The following PHKB variants were observed in gnomAD, a reference collection of about 807,000 sequenced individuals.
PHKB encodes phosphorylase b kinase regulatory subunit beta.
PHKB carries 122 observed loss-of-function variants against 152.1 expected under a neutral mutation model. The observed-to-expected ratio is 0.80, with a 90% CI of 0.69 to 0.93. The LOEUF (loss-of-function observed/expected upper bound fraction) is 0.93, where lower values mean the gene tolerates loss of function less well. Among genes scored for constraint, PHKB ranks in the 40% least tolerant of loss-of-function variants. The pLI, the probability that PHKB is intolerant of heterozygous loss-of-function variation, is 0.00. For synonymous variants in PHKB, 436 were observed against 464.9 expected (o/e 0.94, Z 0.80); for missense variants, 1,304 against 1,328.4 (o/e 0.98, Z 0.29).
At chr16:47,548,819 T>C (rs1387619700) in intron 7 of PHKB, among the ~76,000 whole-genome samples, 1 of 152,188 alleles carries the variant, frequency 6.6e-6, no homozygotes, top group African/African-American at 2.4e-5. Flanking sequence ...AAAATAAAGA[T>C]AATAATTTCT....
At chr16:47,552,121 T>C (rs936525343) in intron 7 of PHKB, among the ~76,000 whole-genome samples, 11 of 152,218 alleles carry the variant, frequency 7.2e-5, no homozygotes, top group South Asian at 6.2e-4. Context: ...GCACATGAGA[T>C]GGATCTCCTG....
Position 47,580,885 on chromosome 16 carries a change from G to A in PHKB, c.774+527G>A, listed in dbSNP as rs544362207. ...GGATGAAAAAAAAACCCTGAAGGTC[G>A]TCTTAAATTTTCATTAGATCTTTAA... is the stretch of plus-strand genomic sequence containing the variant. On this transcript the variant is annotated intron_variant, in intron 8 of 30. Coordinates refer to ENST00000323584, the MANE Select transcript of PHKB (RefSeq NM_000293.3). Among the ~76,000 whole-genome samples, 36 of 152,110 alleles carry A rather than the reference G, an allele frequency of 2.4e-4. No homozygotes were observed. In the East Asian group the frequency reaches 2.7e-3, roughly 11 times the overall value.
chr16:47,511,885 G>A (rs1358073705), intron 5 of PHKB, 113 bp downstream of exon 5: 1 of 730,908 alleles, frequency 1.4e-6, no homozygotes, highest in Admixed American at 1.9e-5. Context: ...TTCCACGGAT[G>A]GGGTAGGGGC....
At chr16:47,550,897 TGTTATCA>T (rs1361262341) in intron 7 of PHKB, among the ~76,000 whole-genome samples, 34 of 152,228 alleles carry the variant, frequency 2.2e-4, no homozygotes, top group Admixed American at 2.2e-3. Context: ...TTTCAGAACT[TGTTATCA>T]GTCTATTCAG....
chr16:47,600,265 A>T (rs1244028283), intron 13 of PHKB, among the ~76,000 whole-genome samples: 1 of 152,196 alleles, frequency 6.6e-6, no homozygotes, highest in Non-Finnish European at 1.5e-5. Flanking sequence ...GCTCTTAAAA[A>T]ATAAGTTAAT....
intron 4 of PHKB, 31 bp from the exon 5 acceptor site, chr16:47,511,634 T>G: frequency 7.3e-7 from 1 of 1,374,868 alleles, no homozygotes; most frequent in South Asian, 1.2e-5. Flanking sequence ...TATGAATTAC[T>G]AATGTTGTTT....
intron 7 of PHKB, among the ~76,000 whole-genome samples, chr16:47,578,394 G>T (rs893823161): frequency 6.6e-6 from 1 of 151,946 alleles, no homozygotes; most frequent in African/African-American, 2.4e-5. Flanking sequence ...TGACGTATAG[G>T]TATTTTGGGC....
chr16:47,602,249 G>A (rs1972241025), intron 13 of PHKB, among the ~76,000 whole-genome samples: 1 of 152,100 alleles, frequency 6.6e-6, no homozygotes, highest in Non-Finnish European at 1.5e-5. Flanking sequence ...TTGGGGATGG[G>A]TATTATTTAA....
chr16:47,573,676 G>T (rs931849760), intron 7 of PHKB, among the ~76,000 whole-genome samples: 63 of 152,272 alleles, frequency 4.1e-4, no homozygotes, highest in African/African-American at 1.5e-3. Flanking sequence ...CTCCCAGTTT[G>T]CCTGCAAAGC....
At chr16:47,590,842 G>C (rs1358891394) in intron 10 of PHKB, 2 of 152,194 alleles carry the variant, frequency 1.3e-5, no homozygotes, top group East Asian at 3.9e-4. Flanking sequence ...GACTCTGCCA[G>C]GAACTCCCCA....
chr16:47,524,294 A>G (rs1970731460), intron 6 of PHKB, among the ~76,000 whole-genome samples: 1 of 152,172 alleles, frequency 6.6e-6, no homozygotes, highest in Non-Finnish European at 1.5e-5. Context: ...CCTACTGCCA[A>G]AGAAAACCTT....
intron 8 of PHKB, among the ~76,000 whole-genome samples, chr16:47,584,670 A>G (rs542113092): frequency 6.6e-6 from 1 of 152,294 alleles, no homozygotes; most frequent in East Asian, 1.9e-4. Context: ...AGGCTCTGCT[A>G]CAGAGCTCAG....
At chr16:47,603,838 C>T (rs1972278037) in intron 13 of PHKB, among the ~76,000 whole-genome samples, 1 of 152,138 alleles carries the variant, frequency 6.6e-6, no homozygotes, top group South Asian at 2.1e-4. Flanking sequence ...ACATTCTGTG[C>T]TCTGCCTCTT....
chr16:47,491,909 A>G (rs1970156977), intron 1 of PHKB, among the ~76,000 whole-genome samples: 2 of 152,154 alleles, frequency 1.3e-5, no homozygotes, highest in Non-Finnish European at 2.9e-5. Flanking sequence ...TTTTAATTAA[A>G]CTGACTTTTA....
intron 7 of PHKB, chr16:47,565,087 G>C (rs1295031707): frequency 1.7e-5 from 8 of 482,072 alleles, no homozygotes; most frequent in Admixed American, 9.0e-5. Flanking sequence ...AGGTCTATTT[G>C]GTGTAATCTT....
intron 7 of PHKB, among the ~76,000 whole-genome samples, chr16:47,571,467 C>G (rs1032552802): frequency 3.3e-5 from 5 of 152,098 alleles, no homozygotes; most frequent in African/African-American, 1.2e-4. Context: ...AAAGCAACCT[C>G]CCTGTCGTTC....
intron 20 of PHKB, among the ~76,000 whole-genome samples, chr16:47,658,580 T>C (rs1344045724): frequency 6.6e-6 from 1 of 152,230 alleles, no homozygotes; most frequent in Admixed American, 6.5e-5. Flanking sequence ...GTATTTTTAC[T>C]GTACCTTTTC....
intron 15 of PHKB, 100 bp from the exon 16 acceptor site, chr16:47,641,499 C>T (rs764380577): frequency 5.5e-6 from 4 of 726,114 alleles, no homozygotes; most frequent in Non-Finnish European, 1.0e-5. Flanking sequence ...TAATAATGCC[C>T]TCCAAGTTAA....
intron 14 of PHKB, 63 bp from the exon 15 acceptor site, chr16:47,640,972 A>G: frequency 2.1e-6 from 3 of 1,408,652 alleles, no homozygotes; most frequent in Non-Finnish European, 3.0e-6. Flanking sequence ...CTTGTTTCTC[A>G]TTGTAGCTGA....
Sources: gnomAD v4.1 joint callset for allele counts (sites outside exome capture counted in the v4.1 genomes callset) on GRCh38, gnomAD v4.1.1 for gene constraint, MANE v1.5 for transcripts, NCBI Gene and HGNC (gene_info 2026-07-23, HGNC 2026-07-21) for gene names.